ADARB2: variants seen among roughly 807,000 people sequenced by gnomAD.
The protein encoded by ADARB2 is adenosine deaminase RNA specific B2 (inactive).
ADARB2 carries 25 observed loss-of-function variants against 62.2 expected under a neutral mutation model. The observed-to-expected ratio is 0.40, with a 90% CI of 0.29 to 0.56. The LOEUF (loss-of-function observed/expected upper bound fraction) is 0.56. Among genes scored for constraint, ADARB2 ranks in the 20% least tolerant of loss-of-function variants. The pLI, the probability that ADARB2 is intolerant of heterozygous loss-of-function variation, is 0.43. For missense variants in ADARB2, 1,071 were observed against 1,077.4 expected (o/e 0.99, Z 0.08); for synonymous variants, 572 against 500.8 (o/e 1.14, Z -1.90).
intron 1 of ADARB2, among the ~76,000 whole-genome samples, chr10:1,521,852 A>G (rs1832077929): frequency 8.3e-6 from 1 of 121,144 alleles, no homozygotes; most frequent in Admixed American, 1.2e-4. Flanking sequence ...TGTATTTCTT[A>G]AATGTATTTG....
chr10:1,697,601 A>T (rs1312128623), intron 1 of ADARB2, among the ~76,000 whole-genome samples: 1 of 152,218 alleles, frequency 6.6e-6, no homozygotes, highest in Non-Finnish European at 1.5e-5. Context: ...GTCTTCTCTA[A>T]TGAGAAATTG....
chr10:1,596,453 A>T (rs1833336372), intron 1 of ADARB2, among the ~76,000 whole-genome samples: 1 of 152,218 alleles, frequency 6.6e-6, no homozygotes, highest in Non-Finnish European at 1.5e-5. Flanking sequence ...CAGCTAGGAG[A>T]ATAAAGTCCG....
chr10:1,679,342 G>C (rs184092051), intron 1 of ADARB2, among the ~76,000 whole-genome samples: 1 of 152,000 alleles, frequency 6.6e-6, no homozygotes, highest in African/African-American at 2.4e-5. Context: ...TCCTGTGCCG[G>C]GCACCACAAT....
intron 1 of ADARB2, among the ~76,000 whole-genome samples, chr10:1,503,734 T>C (rs1279500139): frequency 1.3e-5 from 2 of 152,150 alleles, no homozygotes; most frequent in Non-Finnish European, 2.9e-5. Flanking sequence ...CTCTTGGTGC[T>C]GACCTCGTGA....
chr10:1,406,480 C>T (rs958994355), intron 1 of ADARB2, among the ~76,000 whole-genome samples: 1 of 152,194 alleles, frequency 6.6e-6, no homozygotes, highest in African/African-American at 2.4e-5. Flanking sequence ...TAAAGTGTCT[C>T]CTTTCTTCTT....
chr10:1,208,822 C>T (rs1317878845), intron 7 of ADARB2, among the ~76,000 whole-genome samples: 2 of 152,194 alleles, frequency 1.3e-5, no homozygotes, highest in African/African-American at 2.4e-5. Flanking sequence ...CCTGATTTGT[C>T]GGGGGAGACA....
intron 1 of ADARB2, among the ~76,000 whole-genome samples, chr10:1,450,411 T>C (rs7096669): frequency 0.25 from 38,359 of 152,080 alleles, 5,312 homozygotes; most frequent in East Asian, 0.39. Context: ...CATGCAGAGC[T>C]GCCCCTGCCT....
intron 5 of ADARB2, among the ~76,000 whole-genome samples, chr10:1,241,578 C>T (rs1344075644): frequency 1.3e-5 from 2 of 152,200 alleles, no homozygotes; most frequent in Non-Finnish European, 2.9e-5. Flanking sequence ...GGTTTTGCTC[C>T]TCTCTAAAGT....
At chr10:1,468,005 G>A (rs777456778) in intron 1 of ADARB2, among the ~76,000 whole-genome samples, 2 of 152,296 alleles carry the variant, frequency 1.3e-5, no homozygotes, top group African/African-American at 2.4e-5. Context: ...AAGTCTAGCC[G>A]GCTAATGCGT....
chr10:1,393,159 C>T (rs1832584716), intron 1 of ADARB2, among the ~76,000 whole-genome samples: 2 of 152,144 alleles, frequency 1.3e-5, no homozygotes, highest in African/African-American at 4.8e-5. Flanking sequence ...TGGAATGTGT[C>T]CATTTTTCAT....
At chr10:1,512,143 G>A (rs531116485) in intron 1 of ADARB2, among the ~76,000 whole-genome samples, 10 of 151,664 alleles carry the variant, frequency 6.6e-5, no homozygotes, top group Admixed American at 4.6e-4. Flanking sequence ...ACAAGACATC[G>A]ATGCTGTCCA....
At chr10:1,440,846 G>A (rs1212965341) in intron 1 of ADARB2, among the ~76,000 whole-genome samples, 1 of 152,208 alleles carries the variant, frequency 6.6e-6, no homozygotes, top group East Asian at 1.9e-4. Context: ...ACAGACTTCA[G>A]GTGAGTTTTA....
At chr10:1,402,966 G>A (rs908468551) in intron 1 of ADARB2, among the ~76,000 whole-genome samples, 14 of 152,242 alleles carry the variant, frequency 9.2e-5, no homozygotes, top group Non-Finnish European at 1.5e-4. Context: ...CCTCCCTGGT[G>A]TTTGTTCCGT....
chr10:1,498,072 T>A (rs938560535), intron 1 of ADARB2, among the ~76,000 whole-genome samples: 3 of 152,302 alleles, frequency 2.0e-5, no homozygotes, highest in Admixed American at 6.5e-5. Context: ...AGTCAGTAGA[T>A]GCCTTGGAAA....
At chr10:1,541,121 G>C (rs1242840062) in intron 1 of ADARB2, among the ~76,000 whole-genome samples, 4 of 83,446 alleles carry the variant, frequency 4.8e-5, no homozygotes, top group Admixed American at 1.2e-4. Context: ...ACCCCACTCA[G>C]ACGCAGTTCA....
chr10:1,335,039 G>A (rs1041913135), intron 3 of ADARB2, among the ~76,000 whole-genome samples: 1 of 152,146 alleles, frequency 6.6e-6, no homozygotes, highest in African/African-American at 2.4e-5. Context: ...AAGTGCCCAG[G>A]AGCTACATTT....
Position 1,481,105 on chromosome 10 carries a change from T to C in ADARB2, c.101-101945A>G, listed in dbSNP as rs187198645. Among the ~76,000 whole-genome samples the C allele has an allele frequency of 1.5e-3, 229 of 152,326 alleles. 2 individuals are homozygous for C. Among genetic ancestry groups the C allele is most frequent in the African/African-American group, 4.9e-3 (204 of 41,566 alleles). ...GCTACAAATCAAAACAGAGTGGTGT[T>C]AGCATACCACACACAGACCAATGAA... On this transcript the variant is annotated intron_variant, in intron 1 of 9. Coordinates refer to ENST00000381312, the MANE Select transcript of ADARB2 (RefSeq NM_018702.4).
At chr10:1,523,417 C>A (rs558870781) in intron 1 of ADARB2, among the ~76,000 whole-genome samples, 1 of 152,288 alleles carries the variant, frequency 6.6e-6, no homozygotes, top group East Asian at 1.9e-4. Context: ...GTCACGCAGC[C>A]CTGAGCTGGG....
chr10:1,244,366 A>C (rs1467914583), intron 4 of ADARB2, among the ~76,000 whole-genome samples: 1 of 152,264 alleles, frequency 6.6e-6, no homozygotes, highest in Non-Finnish European at 1.5e-5. Flanking sequence ...ACCGGTGCGC[A>C]TGCAGTCTCT....
Sources: gnomAD v4.1 joint callset for allele counts (sites outside exome capture counted in the v4.1 genomes callset) on GRCh38, gnomAD v4.1.1 for gene constraint, MANE v1.5 for transcripts, NCBI Gene and HGNC (gene_info 2026-07-23, HGNC 2026-07-21) for gene names.